PTPN13: variants seen among roughly 807,000 people sequenced by gnomAD.
PTPN13 encodes protein tyrosine phosphatase non-receptor type 13.
In PTPN13, 191 loss-of-function variants were observed where a neutral mutation model predicts 284.0. The ratio of observed to expected loss-of-function variants is 0.67; its 90% CI spans 0.60 to 0.76. The LOEUF is 0.76. PTPN13 is among the 30% of genes least tolerant of loss of function. The probability of loss-of-function intolerance (pLI) is 0.00; values close to 1 mark genes in which losing one functional copy is unlikely to be tolerated. For missense variants in PTPN13, 2,797 were observed against 2,939.9 expected, an observed-to-expected ratio of 0.95 and a Z score of 1.12; for synonymous variants, 986 against 1,022.3, an observed-to-expected ratio of 0.96 and a Z score of 0.68.
At chr4:86,718,423 T>C (rs1733259174) in intron 9 of PTPN13, among the ~76,000 whole-genome samples, 1 of 151,978 alleles carries the variant, frequency 6.6e-6, no homozygotes, top group South Asian at 2.1e-4. Context: ...TTAAATACTT[T>C]ACACTAAAAT....
chr4:86,770,851 C>T (rs1486059662), intron 30 of PTPN13, among the ~76,000 whole-genome samples: 6 of 151,992 alleles, frequency 3.9e-5, no homozygotes, highest in African/African-American at 1.4e-4. Context: ...AAGGTATAGC[C>T]ATCCATTGGA....
intron 30 of PTPN13, 37 bp downstream of exon 30, chr4:86,770,236 A>G (rs1295372910): frequency 6.5e-7 from 1 of 1,539,494 alleles, no homozygotes; most frequent in Admixed American, 1.8e-5. Flanking sequence ...GTTTTATAGA[A>G]TATCAACTTA....
In PTPN13 at chr4:86,728,008, T is replaced by C. The variant is rs185788011; in HGVS notation, c.1609-4392T>C. Among the ~76,000 whole-genome samples the C allele has an allele frequency of 8.5e-4, 128 of 149,856 alleles. 3 individuals carry two copies. Among genetic ancestry groups the C allele is most frequent in the African/African-American group, 2.9e-3 (121 of 41,164 alleles). ...TGAATGTGTCCCAGAGATTCTGGTA[T>C]GTTGTGTCTTCGTTCTCATTGGTTT... On this transcript the variant is annotated intron_variant, in intron 10 of 47. Coordinates refer to ENST00000411767, the MANE Select transcript of PTPN13 (RefSeq NM_080683.3).
chr4:86,734,807 G>T lies in PTPN13; in HGVS notation c.2083G>T (p.Asp695Tyr), dbSNP rs758865248. 1.2e-6 allele frequency: 2 copies of T among 1,613,484 alleles called. No homozygotes were observed. Among genetic ancestry groups the T allele is most frequent in the East Asian group, 4.5e-5 (2 of 44,862 alleles). The change falls in exon 14 of 48, where the codon GAT becomes TAT. Residue 695 changes from aspartate (D) to tyrosine (Y), a missense_variant. By Grantham distance (160) the Asp-to-Tyr change is radical. Transcript: ENST00000411767. Reference protein sequence around the residue: ...KDILEERMHCDDETSLLLASL... With the variant: ...KDILEERMHCYDETSLLLASL... ...TATTTTGGAGGAAAGGATGCACTGTGATGATGAGACTTCCTTATTGCTGGC... is the reference window on the plus strand; with the variant it reads ...TATTTTGGAGGAAAGGATGCACTGTTATGATGAGACTTCCTTATTGCTGGC...
intron 7 of PTPN13, among the ~76,000 whole-genome samples, chr4:86,705,152 G>A (rs558025165): frequency 6.6e-4 from 101 of 152,004 alleles, no homozygotes; most frequent in Admixed American, 6.6e-4. Context: ...TGGCTAACAC[G>A]GTGAAACCCC....
At chr4:86,665,850 G>A (rs1392337982) in intron 2 of PTPN13, among the ~76,000 whole-genome samples, 6 of 152,102 alleles carry the variant, frequency 3.9e-5, no homozygotes, top group African/African-American at 1.2e-4. Flanking sequence ...CTAAGTAGGT[G>A]ATTGAGGAAA....
chr4:86,789,811 T>G (rs1742407230), intron 40 of PTPN13, among the ~76,000 whole-genome samples: 1 of 150,770 alleles, frequency 6.6e-6, no homozygotes, highest in African/African-American at 2.4e-5. Flanking sequence ...ACAAAAATAG[T>G]GGTAATTGGT....
chr4:86,702,627 A>G (rs376333191), intron 7 of PTPN13, among the ~76,000 whole-genome samples: 12 of 152,334 alleles, frequency 7.9e-5, no homozygotes, highest in African/African-American at 2.2e-4. Context: ...ACAAAACTCA[A>G]TATGTTGATT....
intron 15 of PTPN13, among the ~76,000 whole-genome samples, chr4:86,739,129 G>A (rs895163220): frequency 7.2e-5 from 11 of 152,176 alleles, no homozygotes; most frequent in Non-Finnish European, 1.0e-4. Context: ...TTTAGTGCCT[G>A]TATTTAGGTC....
intron 28 of PTPN13, among the ~76,000 whole-genome samples, chr4:86,768,689 T>G (rs997759339): frequency 2.0e-5 from 3 of 151,850 alleles, no homozygotes; most frequent in African/African-American, 7.3e-5. Context: ...ATACTGCTCT[T>G]TATTCTTTAT....
At position 86,689,139 on chromosome 4, in the gene PTPN13, A is replaced by G. The variant is rs1192878716; in HGVS notation, c.495A>G (p.Ser165=). 2.5e-6 allele frequency: 4 copies of G among 1,613,584 alleles called. No individual in the cohort carries two copies. The South Asian group carries it at 4.4e-5, about 18-fold the overall frequency. ...TTAGGAATAGCAATTGTGCACCCTC[A>G]TTTTCCTACGTGAAACACTTGGTAA... ...AHIRNSNCAP[S]FSYVKHLVKL... is the part of the protein sequence containing the mutation. The change falls in exon 5 of 48, where the codon TCA becomes TCG. Residue 165 remains serine (S), a synonymous_variant. Coordinates refer to ENST00000411767, the MANE Select transcript of PTPN13 (RefSeq NM_080683.3).
intron 40 of PTPN13, among the ~76,000 whole-genome samples, chr4:86,790,029 A>G (rs10029055): frequency 0.099 from 15,101 of 152,102 alleles, 858 homozygotes; most frequent in Non-Finnish European, 0.11. Flanking sequence ...AATAGCACTT[A>G]ACTCTTATAA....
chr4:86,787,029 A>G (rs1227798082), intron 40 of PTPN13, among the ~76,000 whole-genome samples: 3 of 150,814 alleles, frequency 2.0e-5, no homozygotes, highest in Admixed American at 6.6e-5. Context: ...CACTTGACCC[A>G]GGAGACAGAG....
rs764632612 is a variant in PTPN13, at chr4:86,750,896, A to G, written c.3068+9A>G. The G allele has an allele frequency of 1.9e-6, 3 of 1,605,978 alleles. No individual in the cohort carries two copies. The highest frequency in any genetic ancestry group is 1.1e-5 in the South Asian group (1 of 89,844). ...GTGACAAAACTTAATAAGTAAGAACATATTAACTAACCCAATTACATATTT... is the reference window on the plus strand; with the variant it reads ...GTGACAAAACTTAATAAGTAAGAACGTATTAACTAACCCAATTACATATTT... On this transcript the variant is annotated intron_variant, in intron 18 of 47. Transcript: ENST00000411767.
intron 2 of PTPN13, among the ~76,000 whole-genome samples, chr4:86,648,773 G>C (rs1036666621): frequency 2.0e-5 from 3 of 152,096 alleles, no homozygotes; most frequent in Admixed American, 1.3e-4. Context: ...TCATATGGTA[G>C]TTCCATTTTT....
At chr4:86,613,458 AC>A (rs1319343961) in intron 1 of PTPN13, among the ~76,000 whole-genome samples, 1 of 151,924 alleles carries the variant, frequency 6.6e-6, no homozygotes, top group Non-Finnish European at 1.5e-5. Flanking sequence ...ACACAGTGAA[AC>A]CCGTGTCTAC....
At position 86,644,387 on chromosome 4, in the gene PTPN13, G is replaced by A. The variant is rs370610535; in HGVS notation, c.115+9016G>A. On this transcript the variant is annotated intron_variant, in intron 2 of 47. Transcript: ENST00000411767. ...ACTCCTGCCCTCAAGCGACCCGCTC[G>A]CATCAGCCTCGCAAAGTGTTAGGAT... 4.6e-5 allele frequency among the ~76,000 whole-genome samples: 7 copies of A among 152,184 alleles called. No homozygotes were observed. The East Asian group carries it at 5.8e-4, about 13-fold the overall frequency.
At chr4:86,769,712 C>T in intron 28 of PTPN13, 57 bp from the exon 29 acceptor site, 1 of 1,128,220 alleles carries the variant, frequency 8.9e-7, no homozygotes, top group Non-Finnish European at 1.3e-6. Context: ...TTGTATGTTC[C>T]TATGTAAACA....
chr4:86,777,447 C>G (rs1002640525), intron 35 of PTPN13, among the ~76,000 whole-genome samples: 5 of 152,224 alleles, frequency 3.3e-5, no homozygotes, highest in Middle Eastern at 3.4e-3. Context: ...ATGGGCCCAC[C>G]CAGATAATCC....
Sources: allele counts gnomAD v4.1 joint callset (sites outside exome capture counted in the v4.1 genomes callset), GRCh38; gene constraint gnomAD v4.1.1; transcripts MANE v1.5; gene names NCBI Gene and HGNC (gene_info 2026-07-23, HGNC 2026-07-21).